The following PRDM16 variants were observed in gnomAD, a reference collection of about 807,000 sequenced individuals.
PRDM16 encodes the protein histone-lysine N-methyltransferase PRDM16.
In PRDM16, 23 loss-of-function variants were observed where a neutral mutation model predicts 110.6. The ratio of observed to expected loss-of-function variants is 0.21; its 90% CI spans 0.15 to 0.29. PRDM16 has a LOEUF of 0.29. Ranked by LOEUF, PRDM16 falls within the 10% of genes least tolerant of loss-of-function variation. PRDM16 has a pLI of 1.00. For synonymous variants in PRDM16, 799 were observed against 781.8 expected (o/e 1.02, Z -0.37); for missense variants, 1,615 against 1,794.3 (o/e 0.90, Z 1.81).
At chr1:3,144,419 C>T (rs1643607086) in intron 1 of PRDM16, among the ~76,000 whole-genome samples, 1 of 152,216 alleles carries the variant, frequency 6.6e-6, no homozygotes, top group South Asian at 2.1e-4. Context: ...CCCACAGTTC[C>T]CTCCAAATGG....
At chr1:3,377,875 C>T (rs1168180412) in intron 3 of PRDM16, among the ~76,000 whole-genome samples, 3 of 152,214 alleles carry the variant, frequency 2.0e-5, no homozygotes, top group Non-Finnish European at 2.9e-5. Context: ...TGCATCTGTT[C>T]GTTCGTCTAC....
At chr1:3,236,827 G>A (rs572834230) in intron 2 of PRDM16, among the ~76,000 whole-genome samples, 1 of 152,336 alleles carries the variant, frequency 6.6e-6, no homozygotes, top group East Asian at 1.9e-4. Flanking sequence ...CCTTGCTCGT[G>A]GGTGTGTTCT....
intron 3 of PRDM16, among the ~76,000 whole-genome samples, chr1:3,379,342 G>A (rs1463888664): frequency 2.8e-4 from 1 of 3,538 alleles, no homozygotes; most frequent in African/African-American, 2.6e-3. Context: ...ACCCCTCCCA[G>A]CACACCTCTC....
intron 2 of PRDM16, among the ~76,000 whole-genome samples, chr1:3,198,989 G>T (rs1638551397): frequency 6.6e-6 from 1 of 152,206 alleles, no homozygotes; most frequent in African/African-American, 2.4e-5. Flanking sequence ...CGCGGCAGCA[G>T]CTGAGATAAA....
intron 3 of PRDM16, among the ~76,000 whole-genome samples, chr1:3,366,021 C>G (rs115938161): frequency 0.015 from 2,257 of 152,042 alleles, 21 homozygotes; most frequent in Non-Finnish European, 0.022. Flanking sequence ...CACACACATA[C>G]ACATACATGT....
At chr1:3,181,122 ACGCAG>A (rs1557508018) in intron 1 of PRDM16, among the ~76,000 whole-genome samples, 4 of 137,498 alleles carry the variant, frequency 2.9e-5, no homozygotes, top group African/African-American at 1.1e-4. Context: ...GGCCTTACAC[ACGCAG>A]TCTTACACGC....
At position 3,158,208 on chromosome 1, in the gene PRDM16, G is replaced by A. The variant is rs564274381; in HGVS notation, c.38-27917G>A. On this transcript the variant is annotated intron_variant, in intron 1 of 16. Transcript: ENST00000270722. ...GATAGTGATCCTCTCTCATTTGACC[G>A]AGTCACGCTCTCCATCAACAGACCT... is the stretch of plus-strand genomic sequence containing the variant. Among the ~76,000 whole-genome samples the A allele has an allele frequency of 4.6e-5, 7 of 152,212 alleles. No homozygotes were observed. The South Asian group carries it at 1.0e-3, about 23-fold the overall frequency.
At chr1:3,188,829 G>C (rs1185381994) in intron 2 of PRDM16, among the ~76,000 whole-genome samples, 1 of 152,214 alleles carries the variant, frequency 6.6e-6, no homozygotes, top group Non-Finnish European at 1.5e-5. Flanking sequence ...AGGAGAGAGA[G>C]GAGGAAGCAG....
At chr1:3,408,613 T>A (rs934551983) in intron 8 of PRDM16, among the ~76,000 whole-genome samples, 2 of 146,712 alleles carry the variant, frequency 1.4e-5, no homozygotes, top group African/African-American at 5.2e-5. Context: ...GGTGTGTGTG[T>A]GAGTGCATGA....
chr1:3,105,349 G>T (rs1642629355), intron 1 of PRDM16, among the ~76,000 whole-genome samples: 1 of 152,224 alleles, frequency 6.6e-6, no homozygotes, highest in East Asian at 1.9e-4. Flanking sequence ...GGTCTGCACT[G>T]CAGCACCCTG....
At chr1:3,215,466 T>TCCCG (rs1453346869) in intron 2 of PRDM16, among the ~76,000 whole-genome samples, 1 of 149,246 alleles carries the variant, frequency 6.7e-6, no homozygotes, top group Admixed American at 6.6e-5. Flanking sequence ...GGGTCATGGG[T>TCCCG]GGAGGCGGGA....
At chr1:3,214,239 TGAG>T (rs1383541227) in intron 2 of PRDM16, among the ~76,000 whole-genome samples, 53 of 152,352 alleles carry the variant, frequency 3.5e-4, no homozygotes, top group African/African-American at 1.2e-3. Context: ...CTTCTAGATC[TGAG>T]GAGGGTCTGA....
At chr1:3,170,367 G>A (rs939105489) in intron 1 of PRDM16, among the ~76,000 whole-genome samples, 1 of 152,216 alleles carries the variant, frequency 6.6e-6, no homozygotes, top group African/African-American at 2.4e-5. Context: ...GGTGATGGGA[G>A]CACCTTCAGG....
intron 12 of PRDM16, among the ~76,000 whole-genome samples, chr1:3,424,114 G>A (rs536085488): frequency 1.4e-4 from 22 of 152,252 alleles, no homozygotes; most frequent in East Asian, 3.9e-4. Flanking sequence ...GCCCCCCGCC[G>A]GATGCCCCCC....
rs986906011 is a variant in PRDM16 at position 3,290,623 on chromosome 1, G to T, written c.438+46486G>T. ...GCTCCGTCTGCAGGATCCCTCCCAG[G>T]ACGCAGTGGTGGGCCCAGGCCGGCC... is the stretch of plus-strand genomic sequence containing the variant. On this transcript the variant is annotated intron_variant, in intron 3 of 16. Coordinates refer to ENST00000270722, the MANE Select transcript of PRDM16 (RefSeq NM_022114.4). The surrounding 1 kb of genome is among the most constrained non-coding windows in gnomAD (Gnocchi z 4.8). 6.6e-6 allele frequency among the ~76,000 whole-genome samples: 1 copy of T among 152,212 alleles called. No individual in the cohort carries two copies. The highest frequency in any genetic ancestry group is 2.4e-5 in the African/African-American group (1 of 41,468).
intron 1 of PRDM16, among the ~76,000 whole-genome samples, chr1:3,114,472 G>T (rs1642897719): frequency 7.0e-6 from 1 of 142,276 alleles, no homozygotes; most frequent in African/African-American, 2.8e-5. Flanking sequence ...CACACGCAGT[G>T]TAAACAGACA....
At chr1:3,337,804 C>A (rs954155715) in intron 3 of PRDM16, among the ~76,000 whole-genome samples, 1 of 152,110 alleles carries the variant, frequency 6.6e-6, no homozygotes, top group African/African-American at 2.4e-5. Flanking sequence ...CCCTGGTGAC[C>A]TGGAGCATGA....
In PRDM16 at chr1:3,181,392, AC is replaced by A. The variant is rs1644177468; in HGVS notation, c.38-4732del. On this transcript the variant is annotated intron_variant, in intron 1 of 16. Coordinates refer to ENST00000270722, the MANE Select transcript of PRDM16 (RefSeq NM_022114.4). The stretch of plus-strand genomic sequence containing the variant: ...CACACGCAGTCTTACACACGGCCTT[AC>A]GCATGGTCTTACACACGCAGTCTTA... Among the ~76,000 whole-genome samples, 2 of 21,976 alleles carry A rather than the reference AC, an allele frequency of 9.1e-5. 1 individual carries two copies. Among genetic ancestry groups the A allele is most frequent in the Non-Finnish European group, 3.1e-4 (2 of 6,464 alleles). The allele number at this position is 21,976 out of a possible 152,430, so 14.4% of individuals were successfully genotyped here. A position where few individuals can be genotyped will look rare whatever the true frequency, so the allele number is the denominator to read the frequency against.
chr1:3,158,014 A>C (rs1401828352), intron 1 of PRDM16, among the ~76,000 whole-genome samples: 2 of 152,238 alleles, frequency 1.3e-5, no homozygotes, highest in African/African-American at 2.4e-5. Context: ...TGAAATGGAA[A>C]ACCTTGCCTC....
Sources: gnomAD v4.1 joint callset for allele counts (sites outside exome capture counted in the v4.1 genomes callset) on GRCh38, gnomAD v4.1.1 for gene constraint, Gnocchi (gnomAD v3.1) non-coding constraint, MANE v1.5 for transcripts, NCBI Gene and HGNC (gene_info 2026-07-23, HGNC 2026-07-21) for gene names.